Variants in PIH1D2 observed in about 807,000 individuals in gnomAD.
PIH1D2 encodes the protein PIH1 domain-containing protein 2.
A neutral mutation model predicts 31.2 loss-of-function variants in PIH1D2; 25 were observed. The ratio of observed to expected loss-of-function variants is 0.80; its 90% CI spans 0.58 to 1.12. The LOEUF (loss-of-function observed/expected upper bound fraction) is 1.12, where lower values mean the gene tolerates loss of function less well. Among genes scored for constraint, PIH1D2 ranks in the 50% most tolerant of loss-of-function variants. PIH1D2 has a pLI of 0.00. For missense variants in PIH1D2, 310 were observed against 356.6 expected, an observed-to-expected ratio of 0.87 and a Z score of 1.05; for synonymous variants, 116 against 119.9, an observed-to-expected ratio of 0.97 and a Z score of 0.21.
intron 5 of PIH1D2, among the ~76,000 whole-genome samples, chr11:112,069,222 C>T (rs1472499174): frequency 3.3e-5 from 5 of 151,808 alleles, no homozygotes; most frequent in South Asian, 2.1e-4. Flanking sequence ...AGGCTGGTCT[C>T]GAACCCCTGA....
the PIH1D2 span, among the ~76,000 whole-genome samples, chr11:112,055,329 C>T: frequency 6.7e-5 from 10 of 150,268 alleles, no homozygotes; most frequent in East Asian, 1.9e-4. Context: ...CTGCAACCTC[C>T]GCCTCGTGGG....
Position 112,071,269 on chromosome 11 carries a change from T to G in PIH1D2, c.316A>C (p.Ile106Leu). The change falls in exon 4 of 6, where the codon ATT (isoleucine) becomes CTT (leucine). Residue 106 changes from isoleucine (I) to leucine (L), a missense_variant. By Grantham distance (5) the Ile-to-Leu change is conservative. Coordinates refer to ENST00000280350, the MANE Select transcript of PIH1D2 (RefSeq NM_138789.4). Reference protein sequence around the residue: ...TTEISDAYTVIDVAYNPDVLH... With the variant: ...TTEISDAYTVLDVAYNPDVLH... ...ACATCAGGATTGTAGGCAACATCAA[T>G]GACTGTGTAAGCATCTGTGTGTGTA... 6.2e-7 allele frequency: 1 copy of G among 1,613,322 alleles called. No homozygotes were observed. Among genetic ancestry groups the G allele is most frequent in the South Asian group, 1.1e-5 (1 of 90,972 alleles).
chr11:112,071,730 T>C lies in PIH1D2; in HGVS notation c.206A>G (p.Asn69Ser). Residue 69 changes from asparagine (N) to serine (S), a missense_variant, in exon 3 of 6, where the codon AAC becomes AGC. Transcript: ENST00000280350. ...LKPKEKILFI[N>S]LCQWTRIPAP... is the part of the protein sequence containing the mutation. ...TGGGATCCTTGTCCACTGACACAGG[T>C]TGATAAAAAGTATTTTTTCTTTTGG... The C allele has an allele frequency of 6.2e-7, 1 of 1,614,064 alleles. No individual in the cohort carries two copies. The highest frequency in any genetic ancestry group is 8.5e-7 in the Non-Finnish European group (1 of 1,179,914).
chr11:112,053,601 C>A, the PIH1D2 span, among the ~76,000 whole-genome samples: 4 of 151,976 alleles, frequency 2.6e-5, no homozygotes, highest in African/African-American at 9.7e-5. Context: ...TACAGGCATG[C>A]GCCACCACTC....
intron 2 of PIH1D2, among the ~76,000 whole-genome samples, chr11:112,072,352 C>A (rs1378682429): frequency 1.3e-5 from 2 of 151,330 alleles, no homozygotes; most frequent in Non-Finnish European, 2.9e-5. Context: ...TCGAGATTAG[C>A]CTGTGAAACA....
downstream of PIH1D2, chr11:112,061,144 A>G: frequency 1.2e-6 from 2 of 1,614,122 alleles, no homozygotes; most frequent in Non-Finnish European, 1.7e-6. Flanking sequence ...GCTTCAGAGG[A>G]TAAACTGGTC....
chr11:112,058,249 A>C (rs1395031916), downstream of PIH1D2, among the ~76,000 whole-genome samples: 3 of 152,208 alleles, frequency 2.0e-5, no homozygotes, highest in Non-Finnish European at 2.9e-5. Context: ...TGATTGAACA[A>C]GCAATATTGT....
At chr11:112,054,645 A>G in the PIH1D2 span, among the ~76,000 whole-genome samples, 1 of 152,206 alleles carries the variant, frequency 6.6e-6, no homozygotes, top group Non-Finnish European at 1.5e-5. Context: ...TTTGGAGAAC[A>G]TCTGGACATC....
chr11:112,069,084 C>T (rs1332508631), intron 5 of PIH1D2, among the ~76,000 whole-genome samples: 9 of 148,926 alleles, frequency 6.0e-5, no homozygotes, highest in South Asian at 2.1e-4. Flanking sequence ...CTGCAACTTC[C>T]GCCTCCCGGG....
chr11:112,059,824 TATAA>T (rs1864438780), downstream of PIH1D2: 3 of 1,300,286 alleles, frequency 2.3e-6, no homozygotes, highest in East Asian at 2.5e-5. Context: ...TTGAAGTAAA[TATAA>T]ATATTCTTGC....
At chr11:112,054,791 G>A in the PIH1D2 span, among the ~76,000 whole-genome samples, 16 of 152,262 alleles carry the variant, frequency 1.1e-4, no homozygotes, top group Middle Eastern at 3.4e-3. Context: ...GGGGCAATGC[G>A]TTCCCTCCAA....
the PIH1D2 span, among the ~76,000 whole-genome samples, chr11:112,057,469 T>A: frequency 6.6e-6 from 1 of 152,080 alleles, no homozygotes; most frequent in Non-Finnish European, 1.5e-5. Flanking sequence ...TTGAAAGAAA[T>A]GAAAAGTACT....
At chr11:112,062,012 G>A (rs1395634154), downstream of PIH1D2, among the ~76,000 whole-genome samples, 1 of 152,136 alleles carries the variant, frequency 6.6e-6, no homozygotes, top group Non-Finnish European at 1.5e-5. Context: ...TATTTGAGGT[G>A]GAAAGCCTTA....
At chr11:112,054,454 A>G in the PIH1D2 span, among the ~76,000 whole-genome samples, 1 of 152,334 alleles carries the variant, frequency 6.6e-6, no homozygotes, top group Admixed American at 6.5e-5. Context: ...GATACCATGA[A>G]TGCTAACCTA....
At chr11:112,055,334 C>T in the PIH1D2 span, among the ~76,000 whole-genome samples, 3 of 148,532 alleles carry the variant, frequency 2.0e-5, no homozygotes, top group Admixed American at 6.9e-5. Context: ...ACCTCCGCCT[C>T]GTGGGTTCAT....
At chr11:112,073,284 G>A in intron 1 of PIH1D2, 79 bp from the exon 2 acceptor site, 2 of 1,013,056 alleles carry the variant, frequency 2.0e-6, no homozygotes, top group African/African-American at 1.6e-5. Context: ...GGTGGAATGG[G>A]TCAGGAATTG....
At position 112,070,512 on chromosome 11, in the gene PIH1D2, TTCTCACTGTGATCATGCACAA is replaced by T. The variant is rs782110059; in HGVS notation, c.716_736del (p.Ile239_Glu245del). 4 of 1,614,138 alleles carry T rather than the reference TTCTCACTGTGATCATGCACAA, an allele frequency of 2.5e-6. No homozygotes were observed. The highest frequency in any genetic ancestry group is 3.4e-6 in the Non-Finnish European group (4 of 1,180,000). Reference sequence around the variant, plus strand: ...AACTTTCAACTCAATTTTCAGAGGTTTCTCACTGTGATCATGCACAATTTTTAGTTCATAGGCTGGCATCTT... The same window carrying T: ...AACTTTCAACTCAATTTTCAGAGGTTTTTTTAGTTCATAGGCTGGCATCTT... On this transcript the variant is annotated inframe_deletion, in exon 5 of 6. Coordinates refer to ENST00000280350, the MANE Select transcript of PIH1D2 (RefSeq NM_138789.4).
At chr11:112,067,057 A>G (rs1864946872), downstream of PIH1D2, among the ~76,000 whole-genome samples, 1 of 152,014 alleles carries the variant, frequency 6.6e-6, no homozygotes, top group Admixed American at 6.5e-5. Context: ...AGCGAGACTC[A>G]GTCTCAGTGA....
downstream of PIH1D2, among the ~76,000 whole-genome samples, chr11:112,058,669 A>G (rs1289868325): frequency 6.7e-6 from 1 of 148,734 alleles, no homozygotes; most frequent in Non-Finnish European, 1.5e-5. Context: ...AACATTTAGC[A>G]TTTCTTCCTT....
Sources: allele counts gnomAD v4.1 joint callset (sites outside exome capture counted in the v4.1 genomes callset), GRCh38; gene constraint gnomAD v4.1.1; transcripts MANE v1.5; gene names NCBI Gene and HGNC (gene_info 2026-07-23, HGNC 2026-07-21).